ZNF385D: variants seen among roughly 807,000 people sequenced by gnomAD.
ZNF385D encodes the protein zinc finger protein 385D.
Under a neutral mutation model 35.8 loss-of-function variants are expected in ZNF385D, and 15 were observed. The observed-to-expected ratio is 0.42, with a 90% CI of 0.28 to 0.64. ZNF385D has a LOEUF of 0.64. ZNF385D is among the 30% of genes least tolerant of loss of function. The pLI is 0.23. For synonymous variants in ZNF385D, 212 were observed against 186.8 expected, an observed-to-expected ratio of 1.13 and a Z score of -1.10; for missense variants, 474 against 494.6, an observed-to-expected ratio of 0.96 and a Z score of 0.39.
At chr3:21,897,322 A>G (rs1336492324) in intron 3 of ZNF385D, among the ~76,000 whole-genome samples, 2 of 152,182 alleles carry the variant, frequency 1.3e-5, no homozygotes, top group Non-Finnish European at 2.9e-5. Context: ...ACTAAGAACT[A>G]TATAGTAAGA....
chr3:21,479,462 C>T (rs1277718490), intron 4 of ZNF385D, among the ~76,000 whole-genome samples: 1 of 152,030 alleles, frequency 6.6e-6, no homozygotes, highest in Non-Finnish European at 1.5e-5. Flanking sequence ...TCTGGACTTA[C>T]AAATTAACTC....
At chr3:21,674,935 CATGG>C (rs200072666) in intron 1 of ZNF385D, among the ~76,000 whole-genome samples, 2 of 138,292 alleles carry the variant, frequency 1.4e-5, no homozygotes, top group South Asian at 4.5e-4. Context: ...TGGATGGATG[CATGG>C]ATGGATGGAT....
chr3:21,737,320 T>C, intron 1 of ZNF385D, among the ~76,000 whole-genome samples: 1 of 152,298 alleles, frequency 6.6e-6, no homozygotes, highest in Admixed American at 6.5e-5. Flanking sequence ...TAACTTATTT[T>C]TTGAAGGCCA....
chr3:21,609,825 G>T (rs117998704), intron 2 of ZNF385D, among the ~76,000 whole-genome samples: 1 of 152,122 alleles, frequency 6.6e-6, no homozygotes, highest in African/African-American at 2.4e-5. Context: ...CTAAAGCCAC[G>T]CAAAGATAAA....
intron 3 of ZNF385D, among the ~76,000 whole-genome samples, chr3:21,909,320 T>C (rs73820187): frequency 1.1e-3 from 163 of 152,134 alleles, no homozygotes; most frequent in African/African-American, 3.6e-3. Context: ...GCAGCAAAAG[T>C]TCATGTAACA....
intron 1 of ZNF385D, among the ~76,000 whole-genome samples, chr3:21,699,821 T>A (rs1335367403): frequency 6.7e-6 from 1 of 148,908 alleles, no homozygotes; most frequent in Non-Finnish European, 1.5e-5. Context: ...ATGTTTCTTT[T>A]CCTTTTTTTT....
intron 3 of ZNF385D, among the ~76,000 whole-genome samples, chr3:22,048,489 T>G (rs975560896): frequency 2.0e-5 from 3 of 152,208 alleles, no homozygotes; most frequent in Non-Finnish European, 4.4e-5. Flanking sequence ...CAGCCCGATT[T>G]GTTGAAGGGA....
chr3:22,231,334 G>T (rs9841100), intron 2 of ZNF385D, among the ~76,000 whole-genome samples: 10,599 of 151,994 alleles, frequency 0.07, 952 homozygotes, highest in African/African-American at 0.21. Context: ...TTGGCAATGA[G>T]AATGTCCTTA....
chr3:21,972,408 C>T (rs906408470), intron 3 of ZNF385D, among the ~76,000 whole-genome samples: 1 of 151,744 alleles, frequency 6.6e-6, no homozygotes, highest in East Asian at 1.9e-4. Context: ...ATACAACATA[C>T]AAAAACTTAC....
chr3:22,042,994 A>G (rs1475758290), intron 3 of ZNF385D, among the ~76,000 whole-genome samples: 1 of 152,158 alleles, frequency 6.6e-6, no homozygotes, highest in Non-Finnish European at 1.5e-5. Flanking sequence ...TTATTAACCC[A>G]GTCACAGACT....
chr3:22,286,541 A>G (rs1347610428), intron 2 of ZNF385D, among the ~76,000 whole-genome samples: 12 of 152,128 alleles, frequency 7.9e-5, no homozygotes, highest in African/African-American at 2.9e-4. Context: ...GATTGCTACT[A>G]TAAAATTCCC....
chr3:22,060,809 A>G (rs1391104906), intron 3 of ZNF385D, among the ~76,000 whole-genome samples: 1 of 152,080 alleles, frequency 6.6e-6, no homozygotes. Flanking sequence ...CTGAATATAA[A>G]CAGTGAATTT....
chr3:21,637,091 C>T (rs1488818960), intron 2 of ZNF385D, among the ~76,000 whole-genome samples: 2 of 152,070 alleles, frequency 1.3e-5, no homozygotes, highest in African/African-American at 4.8e-5. Flanking sequence ...TGTGCAGAAG[C>T]TCTTCATTTT....
chr3:21,572,171 T>C (rs2063354423), intron 2 of ZNF385D, among the ~76,000 whole-genome samples: 1 of 152,172 alleles, frequency 6.6e-6, no homozygotes, highest in Non-Finnish European at 1.5e-5. Flanking sequence ...ACAAGAGGTC[T>C]AGATACTACT....
At chr3:21,606,724 TTAAA>T (rs2064495653) in intron 2 of ZNF385D, among the ~76,000 whole-genome samples, 1 of 152,158 alleles carries the variant, frequency 6.6e-6, no homozygotes, top group Admixed American at 6.5e-5. Context: ...GTGGCTTCTA[TTAAA>T]TAAATTCCAC....
At chr3:21,933,387 T>C (rs984503345) in intron 3 of ZNF385D, among the ~76,000 whole-genome samples, 7 of 152,164 alleles carry the variant, frequency 4.6e-5, no homozygotes, top group African/African-American at 1.7e-4. Flanking sequence ...ACATTTGAAA[T>C]CATGTAACTG....
intron 3 of ZNF385D, among the ~76,000 whole-genome samples, chr3:21,860,395 A>G (rs567839547): frequency 2.6e-5 from 4 of 152,272 alleles, no homozygotes; most frequent in African/African-American, 9.6e-5. Flanking sequence ...CAACCCCCAT[A>G]TATCTACATG....
intron 3 of ZNF385D, among the ~76,000 whole-genome samples, chr3:21,554,039 T>G (rs545112502): frequency 6.6e-6 from 1 of 152,328 alleles, no homozygotes; most frequent in African/African-American, 2.4e-5. Context: ...TGTGGATATT[T>G]TGACTTCCTC....
intron 2 of ZNF385D, among the ~76,000 whole-genome samples, chr3:22,239,292 A>G (rs1391545326): frequency 6.6e-6 from 1 of 151,036 alleles, no homozygotes; most frequent in African/African-American, 2.5e-5. Context: ...TGGTGCTTTC[A>G]CGCTAAAATG....
Sources: gnomAD v4.1 joint callset for allele counts (sites outside exome capture counted in the v4.1 genomes callset) on GRCh38, gnomAD v4.1.1 for gene constraint, MANE v1.5 for transcripts, NCBI Gene and HGNC (gene_info 2026-07-23, HGNC 2026-07-21) for gene names.